The following PLGRKT variants were observed in gnomAD, a reference collection of about 807,000 sequenced individuals.
PLGRKT encodes the protein plasminogen receptor with a C-terminal lysine, also known as plasminogen receptor (KT).
Under a neutral mutation model 18.5 loss-of-function variants are expected in PLGRKT, and 22 were observed. That is an observed-to-expected ratio of 1.19 (90% CI 0.85 to 1.70). PLGRKT has a LOEUF of 1.70. Ranked by LOEUF, PLGRKT falls within the 40% of genes most tolerant of loss-of-function variation. The probability of loss-of-function intolerance (pLI) is 0.00; values close to 1 mark genes in which losing one functional copy is unlikely to be tolerated. For synonymous variants in PLGRKT, 72 were observed against 52.8 expected (o/e 1.36, Z -1.58); for missense variants, 235 against 174.4 (o/e 1.35, Z -1.96).
At chr9:5,386,536 T>C (rs976166577) in intron 3 of PLGRKT, among the ~76,000 whole-genome samples, 1 of 151,856 alleles carries the variant, frequency 6.6e-6, no homozygotes, top group East Asian at 1.9e-4. Flanking sequence ...CAAATGTCAA[T>C]AGTGTTGTGG....
At chr9:5,392,502 G>A (rs932075804) in intron 3 of PLGRKT, 7 of 151,856 alleles carry the variant, frequency 4.6e-5, no homozygotes, top group Non-Finnish European at 1.0e-4. Flanking sequence ...CTCGGCTTTT[G>A]CATATGTCTC....
At chr9:5,369,422 T>C (rs1381272423) in intron 3 of PLGRKT, among the ~76,000 whole-genome samples, 1 of 152,070 alleles carries the variant, frequency 6.6e-6, no homozygotes, top group Non-Finnish European at 1.5e-5. Flanking sequence ...ACGGTGATCA[T>C]TAAAAAGTCA....
At chr9:5,362,336 A>T (rs1817285592) in intron 3 of PLGRKT, among the ~76,000 whole-genome samples, 1 of 152,198 alleles carries the variant, frequency 6.6e-6, no homozygotes, top group East Asian at 1.9e-4. Flanking sequence ...ATCATACCAC[A>T]ATATCATAGT....
intron 3 of PLGRKT, among the ~76,000 whole-genome samples, chr9:5,384,182 G>A (rs934149224): frequency 6.6e-6 from 1 of 152,186 alleles, no homozygotes; most frequent in African/African-American, 2.4e-5. Context: ...GCCATTGTTG[G>A]GGGAGATCCC....
chr9:5,428,600 C>T (rs528492916), intron 3 of PLGRKT, among the ~76,000 whole-genome samples: 9 of 152,322 alleles, frequency 5.9e-5, no homozygotes, highest in Admixed American at 2.6e-4. Context: ...GCCCTCCCTG[C>T]CCCTCTCCCC....
chr9:5,379,516 G>A (rs1360256824), intron 3 of PLGRKT, among the ~76,000 whole-genome samples: 5 of 151,876 alleles, frequency 3.3e-5, no homozygotes, highest in African/African-American at 1.2e-4. Context: ...GTGTGTGTGT[G>A]TACACAAATA....
At chr9:5,403,962 C>G (rs939359224) in intron 3 of PLGRKT, among the ~76,000 whole-genome samples, 2 of 152,082 alleles carry the variant, frequency 1.3e-5, no homozygotes, top group African/African-American at 4.8e-5. Context: ...ACTGACACCA[C>G]AGAAATACAA....
At chr9:5,384,069 A>T (rs10435743) in intron 3 of PLGRKT, among the ~76,000 whole-genome samples, 36,814 of 152,176 alleles carry the variant, frequency 0.24, 4,885 homozygotes, top group African/African-American at 0.35. Context: ...TCCAAAAGGC[A>T]GTGAGATAGA....
At chr9:5,376,402 C>T (rs1817628795) in intron 3 of PLGRKT, among the ~76,000 whole-genome samples, 1 of 152,080 alleles carries the variant, frequency 6.6e-6, no homozygotes, top group East Asian at 1.9e-4. Context: ...TGGGTAGGTC[C>T]CTTAATCTCT....
intron 3 of PLGRKT, among the ~76,000 whole-genome samples, chr9:5,417,401 A>C (rs1234782553): frequency 6.6e-6 from 1 of 152,204 alleles, no homozygotes; most frequent in East Asian, 1.9e-4. Context: ...CAAGACCTAA[A>C]TTTAAGAGCT....
intron 3 of PLGRKT, among the ~76,000 whole-genome samples, chr9:5,374,227 A>C (rs975930027): frequency 6.6e-6 from 1 of 152,214 alleles, no homozygotes; most frequent in Admixed American, 6.5e-5. Flanking sequence ...TCCTATCTGC[A>C]GCCCCTACTC....
At chr9:5,411,121 C>T (rs745757186) in intron 3 of PLGRKT, among the ~76,000 whole-genome samples, 4 of 152,022 alleles carry the variant, frequency 2.6e-5, no homozygotes, top group African/African-American at 7.2e-5. Context: ...CGGTGACTCA[C>T]GCCTGTAATC....
intron 3 of PLGRKT, among the ~76,000 whole-genome samples, chr9:5,421,663 G>A (rs1202022338): frequency 1.3e-5 from 2 of 152,226 alleles, no homozygotes; most frequent in Non-Finnish European, 2.9e-5. Flanking sequence ...CAGATGCTGT[G>A]TGCTAAATTC....
At chr9:5,372,975 G>C (rs1229083544) in intron 3 of PLGRKT, among the ~76,000 whole-genome samples, 1 of 152,148 alleles carries the variant, frequency 6.6e-6, no homozygotes, top group Non-Finnish European at 1.5e-5. Context: ...TCAAACCCAG[G>C]CCTGCCTGCT....
intron 3 of PLGRKT, among the ~76,000 whole-genome samples, chr9:5,385,602 C>G (rs540979243): frequency 6.6e-6 from 1 of 151,938 alleles, no homozygotes; most frequent in Non-Finnish European, 1.5e-5. Flanking sequence ...ACTTGCCACT[C>G]TTCAGTACCT....
chr9:5,433,481 C>A (rs1057434482), intron 2 of PLGRKT, among the ~76,000 whole-genome samples: 4 of 148,268 alleles, frequency 2.7e-5, no homozygotes, highest in Non-Finnish European at 5.9e-5. Context: ...AAGCAAGGAG[C>A]GACTCTGCCT....
chr9:5,415,542 A>G lies in PLGRKT; in HGVS notation c.81+16355T>C, dbSNP rs1251459456. Among the ~76,000 whole-genome samples the G allele has an allele frequency of 2.0e-5, 3 of 152,192 alleles. No homozygotes were observed. In the East Asian group the frequency reaches 5.8e-4, roughly 29 times the overall value. ...AGTATCTCCTCAAAGATATTTATCA[A>G]TTAGAAAGAAAAAATAGTAACTTTA... On this transcript the variant is annotated intron_variant, in intron 3 of 5. Transcript: ENST00000223864.
At position 5,402,289 on chromosome 9, in the gene PLGRKT, G is replaced by A. The variant is rs550154595; in HGVS notation, c.81+29608C>T. The stretch of plus-strand genomic sequence containing the variant: ...ATGAAAGAACTCTGCACTCTCTGTG[G>A]ACAGGGTTTAAGGTAACCTCAAGGG... On this transcript the variant is annotated intron_variant, in intron 3 of 5. Transcript: ENST00000223864. 1.1e-4 allele frequency among the ~76,000 whole-genome samples: 16 copies of A among 151,956 alleles called. No homozygotes were observed. The East Asian group carries it at 2.7e-3, about 26-fold the overall frequency.
chr9:5,437,227 C>A (rs925751571), intron 1 of PLGRKT, among the ~76,000 whole-genome samples: 3 of 152,122 alleles, frequency 2.0e-5, no homozygotes, highest in Non-Finnish European at 4.4e-5. Flanking sequence ...CCCGTGAGTA[C>A]CTAGATTTGA....
Sources: gnomAD v4.1 joint callset for allele counts (sites outside exome capture counted in the v4.1 genomes callset) on GRCh38, gnomAD v4.1.1 for gene constraint, MANE v1.5 for transcripts, NCBI Gene and HGNC (gene_info 2026-07-23, HGNC 2026-07-21) for gene names.